Variants in NR2C2 observed in about 807,000 individuals in gnomAD.
The protein encoded by NR2C2 is Nuclear hormone receptor TR4.
In NR2C2, 6 loss-of-function variants were observed where a neutral mutation model predicts 62.9. That is an observed-to-expected ratio of 0.10 (90% CI 0.05 to 0.19). NR2C2 has a LOEUF of 0.19. NR2C2 is among the 10% of genes least tolerant of loss of function. The probability of loss-of-function intolerance (pLI) is 1.00; values close to 1 mark genes in which losing one functional copy is unlikely to be tolerated. For synonymous variants in NR2C2, 272 were observed against 273.8 expected (o/e 0.99, Z 0.07); for missense variants, 479 against 762.7 (o/e 0.63, Z 4.38).
intron 1 of NR2C2, among the ~76,000 whole-genome samples, chr3:14,992,565 A>T (rs1214708444): frequency 6.6e-6 from 1 of 152,194 alleles, no homozygotes; most frequent in Non-Finnish European, 1.5e-5. Flanking sequence ...GAAATAGGAA[A>T]TGTGGTGTTC....
intron 1 of NR2C2, chr3:14,948,582 G>C (rs1466640564): frequency 6.6e-6 from 1 of 152,094 alleles, no homozygotes; most frequent in African/African-American, 2.4e-5. Flanking sequence ...GAGTGGGGCC[G>C]GGTCGGCGGG....
chr3:15,007,333 T>TA (rs1289431711), intron 2 of NR2C2, among the ~76,000 whole-genome samples: 1 of 151,434 alleles, frequency 6.6e-6, no homozygotes, highest in Non-Finnish European at 1.5e-5. Flanking sequence ...TTCACCATGT[T>TA]AGACAGGATG....
intron 7 of NR2C2, among the ~76,000 whole-genome samples, chr3:15,027,440 T>C (rs1381893999): frequency 2.6e-5 from 4 of 152,276 alleles, no homozygotes. Context: ...ACACTTGTTA[T>C]TATCCATCTT....
rs532535281 is a variant in NR2C2, at chr3:15,011,118, T to C, written c.73-2471T>C. 7.9e-5 allele frequency among the ~76,000 whole-genome samples: 12 copies of C among 152,266 alleles called. No individual in the cohort carries two copies. In the East Asian group the frequency reaches 2.3e-3, roughly 29 times the overall value. On this transcript the variant is annotated intron_variant, in intron 2 of 13. Transcript: ENST00000425241. ...GGGAGGCCAAGGCGGCAGGATCACT[T>C]GAGCCCAGGAATTTGAGGTCACCTG...
At chr3:14,970,064 A>G (rs1268511612) in intron 1 of NR2C2, among the ~76,000 whole-genome samples, 1 of 152,184 alleles carries the variant, frequency 6.6e-6, no homozygotes, top group Non-Finnish European at 1.5e-5. Flanking sequence ...GTACATATAC[A>G]TACATTTAAA....
At chr3:15,024,051 C>A in intron 6 of NR2C2, 64 bp from the exon 7 acceptor site, 1 of 1,111,550 alleles carries the variant, frequency 9.0e-7, no homozygotes, top group Non-Finnish European at 1.4e-6. Flanking sequence ...CAGGTAAATG[C>A]AGCATGATCA....
intron 4 of NR2C2, among the ~76,000 whole-genome samples, chr3:15,016,761 A>G (rs2041522123): frequency 6.6e-6 from 1 of 152,152 alleles, no homozygotes; most frequent in Non-Finnish European, 1.5e-5. Flanking sequence ...AATTGTGTAC[A>G]TGTTGGTTGG....
At chr3:14,963,664 G>C (rs927788566) in intron 1 of NR2C2, among the ~76,000 whole-genome samples, 5 of 152,062 alleles carry the variant, frequency 3.3e-5, no homozygotes, top group Non-Finnish European at 7.4e-5. Flanking sequence ...TAGAGATGGG[G>C]TTTCACTGTG....
chr3:15,021,757 A>G (rs1234715984), intron 5 of NR2C2, among the ~76,000 whole-genome samples: 1 of 152,242 alleles, frequency 6.6e-6, no homozygotes, highest in Non-Finnish European at 1.5e-5. Flanking sequence ...TGGTTCTGTC[A>G]TCTTTTGCAT....
chr3:14,967,568 A>C (rs1315787621), intron 1 of NR2C2, among the ~76,000 whole-genome samples: 1 of 152,108 alleles, frequency 6.6e-6, no homozygotes, highest in Non-Finnish European at 1.5e-5. Flanking sequence ...TAAAAAAAGG[A>C]ATAGCTGAGA....
chr3:14,970,787 C>T lies in NR2C2; in HGVS notation c.-40+22881C>T, dbSNP rs116633271. Among the ~76,000 whole-genome samples, 824 of 152,258 alleles carry T rather than the reference C, an allele frequency of 5.4e-3. 8 individuals are homozygous for T. The highest frequency in any genetic ancestry group is 0.019 in the African/African-American group (781 of 41,546). Reference sequence around the variant, plus strand: ...TGGCTTTGAGGAATGCTGCTGTGAACGTAGGTATACAAGTATCTTGAGTCC... The same window carrying T: ...TGGCTTTGAGGAATGCTGCTGTGAATGTAGGTATACAAGTATCTTGAGTCC... On this transcript the variant is annotated intron_variant, in intron 1 of 13. Transcript: ENST00000425241.
At chr3:14,990,678 T>C (rs917769769) in intron 1 of NR2C2, among the ~76,000 whole-genome samples, 6 of 152,174 alleles carry the variant, frequency 3.9e-5, no homozygotes, top group African/African-American at 1.4e-4. Context: ...CAGGGAGCCA[T>C]TGGCATGGTA....
intron 1 of NR2C2, among the ~76,000 whole-genome samples, chr3:14,979,651 G>T (rs2040307809): frequency 6.6e-6 from 1 of 152,012 alleles, no homozygotes; most frequent in African/African-American, 2.4e-5. Context: ...GGTTACAGAG[G>T]TGGGGAACAC....
intron 1 of NR2C2, among the ~76,000 whole-genome samples, chr3:14,995,367 C>T (rs1382585066): frequency 1.3e-5 from 2 of 150,438 alleles, no homozygotes; most frequent in Non-Finnish European, 2.9e-5. Flanking sequence ...CACCCCCCAG[C>T]CCTAGGCAAC....
intron 1 of NR2C2, among the ~76,000 whole-genome samples, chr3:14,950,337 C>T (rs1193584657): frequency 6.6e-6 from 1 of 152,154 alleles, no homozygotes; most frequent in Non-Finnish European, 1.5e-5. Flanking sequence ...ATTTACAGAA[C>T]TCTCTTACAG....
intron 11 of NR2C2, 139 bp downstream of exon 11, chr3:15,034,948 C>A: frequency 1.2e-6 from 1 of 842,320 alleles, no homozygotes; most frequent in Non-Finnish European, 1.8e-6. Flanking sequence ...AATTGGATAG[C>A]CTCAGTTTCC....
intron 13 of NR2C2, among the ~76,000 whole-genome samples, chr3:15,040,859 T>C (rs2042240876): frequency 6.6e-6 from 1 of 152,136 alleles, no homozygotes; most frequent in East Asian, 1.9e-4. Flanking sequence ...AGTCAGGTTG[T>C]CCTCCTAGGA....
chr3:15,013,702 G>A lies in NR2C2; in HGVS notation c.186G>A (p.Gly62=), dbSNP rs1380973241. 6.2e-7 allele frequency: 1 copy of A among 1,614,100 alleles called. No individual in the cohort carries two copies. Among genetic ancestry groups the A allele is most frequent in the Non-Finnish European group, 8.5e-7 (1 of 1,180,044 alleles). ...ILTSPDGAGT[G]KVILASPETS... is the part of the protein sequence containing the mutation. ...CCAGCCCAGATGGAGCTGGAACTGG[G>A]AAGGTGATCCTGGCTTCCCCAGAGA... The change falls in exon 3 of 14, where the codon GGG becomes GGA. Residue 62 remains glycine, a synonymous_variant. Coordinates refer to ENST00000425241, the MANE Select transcript of NR2C2 (RefSeq NM_001291694.2).
At chr3:15,009,024 C>T (rs951666909) in intron 2 of NR2C2, among the ~76,000 whole-genome samples, 18 of 152,046 alleles carry the variant, frequency 1.2e-4, no homozygotes, top group African/African-American at 3.9e-4. Context: ...AGTTTGAGAC[C>T]AGCCTGACCA....
Sources: allele counts gnomAD v4.1 joint callset (sites outside exome capture counted in the v4.1 genomes callset), GRCh38; gene constraint gnomAD v4.1.1; transcripts MANE v1.5; gene names NCBI Gene and HGNC (gene_info 2026-07-23, HGNC 2026-07-21).